The following CLTRN variants were observed in gnomAD, a reference collection of about 807,000 sequenced individuals.
The protein encoded by CLTRN is collectrin, amino acid transport regulator, also known as collectrin.
Under a neutral mutation model 14.5 loss-of-function variants are expected in CLTRN, and 12 were observed. That is an observed-to-expected ratio of 0.83 (90% confidence interval 0.53 to 1.34). The LOEUF is 1.34. Ranked by LOEUF, CLTRN falls within the 40% of genes most tolerant of loss-of-function variation. The probability of loss-of-function intolerance (pLI) is 0.00; values close to 1 mark genes in which losing one functional copy is unlikely to be tolerated. For missense variants in CLTRN, 154 were observed against 165.1 expected (o/e 0.93, Z 0.37); for synonymous variants, 58 against 56.5 (o/e 1.03, Z -0.12).
At chrX:15,668,702 G>A (rs114187860), upstream of CLTRN, among the ~76,000 whole-genome samples, 4,467 of 111,092 alleles carry the variant, frequency 0.04, 208 homozygotes, top group African/African-American at 0.13. Flanking sequence ...CATTGTCTAT[G>A]TTTAGAAATA....
At chrX:15,656,879 T>G (rs1488555484) in intron 3 of CLTRN, among the ~76,000 whole-genome samples, 1 of 111,197 alleles carries the variant, frequency 9.0e-6, no homozygotes, top group African/African-American at 3.3e-5. Flanking sequence ...AGTTTTGCAG[T>G]TTTGATTTTT....
intron 4 of CLTRN, among the ~76,000 whole-genome samples, chrX:15,642,529 G>A (rs776635003): frequency 8.9e-5 from 10 of 112,100 alleles, no homozygotes; most frequent in Non-Finnish European, 1.7e-4. Flanking sequence ...TAGGACCTTT[G>A]AAATAGACAT....
chrX:15,652,607 GT>G, intron 3 of CLTRN, among the ~76,000 whole-genome samples: 1 of 111,040 alleles, frequency 9.0e-6, no homozygotes, highest in East Asian at 2.8e-4. Flanking sequence ...AGATTTTGTT[GT>G]TGTTGTTGTT....
At position 15,664,242 on chromosome X, in the gene CLTRN, G is replaced by A. The variant is rs756906911; in HGVS notation, c.117+95C>T. ...AGGTCTTTAGAAATAATTTATTCAAGATTAAGGTAACTATGCAGACAGGCC... is the reference window on the plus strand; with the variant it reads ...AGGTCTTTAGAAATAATTTATTCAAAATTAAGGTAACTATGCAGACAGGCC... On this transcript the variant is annotated intron_variant, in intron 2 of 5. Coordinates refer to ENST00000380342, the MANE Select transcript of CLTRN (RefSeq NM_020665.6). The A allele has an allele frequency of 3.4e-3, 1,879 of 559,923 alleles. 5 individuals carry two copies. Among genetic ancestry groups the A allele is most frequent in the Non-Finnish European group, 4.9e-3 (1,717 of 352,854 alleles). The allele number at this position is 559,923 out of a possible 1,213,427, so 46.1% of individuals were successfully genotyped here.
upstream of CLTRN, among the ~76,000 whole-genome samples, chrX:15,675,376 G>C (rs1158615621): frequency 9.1e-6 from 1 of 109,883 alleles, no homozygotes; most frequent in Non-Finnish European, 1.9e-5. Context: ...GCGCGAAAAG[G>C]GAAGTAGGGA....
chrX:15,638,680 C>T (rs751408503), intron 5 of CLTRN, among the ~76,000 whole-genome samples: 1 of 111,850 alleles, frequency 8.9e-6, no homozygotes, highest in East Asian at 2.8e-4. Context: ...ATTAGAGGTA[C>T]TGGTTAACAA....
intron 3 of CLTRN, among the ~76,000 whole-genome samples, chrX:15,657,340 CG>C (rs1453412378): frequency 8.9e-6 from 1 of 112,156 alleles, no homozygotes; most frequent in Non-Finnish European, 1.9e-5. Flanking sequence ...TCAAATAAAC[CG>C]GATCAGATAT....
At chrX:15,651,780 G>C in intron 3 of CLTRN, among the ~76,000 whole-genome samples, 1 of 111,684 alleles carries the variant, frequency 9.0e-6, no homozygotes, top group African/African-American at 3.3e-5. Context: ...ATGGATGAAA[G>C]AAGGTTAACA....
At chrX:15,644,664 T>A (rs1367315674) in intron 4 of CLTRN, among the ~76,000 whole-genome samples, 2 of 111,778 alleles carry the variant, frequency 1.8e-5, no homozygotes, top group East Asian at 5.6e-4. Context: ...GCTGTGACAA[T>A]AAAAATGTCT....
intron 3 of CLTRN, 109 bp downstream of exon 3, chrX:15,658,907 C>A: frequency 2.8e-6 from 1 of 353,037 alleles, no homozygotes; most frequent in Non-Finnish European, 4.9e-6. Context: ...GTGTGAATCC[C>A]TTTGAAAAAT....
At chrX:15,633,378 T>G (rs1409130655) in intron 5 of CLTRN, among the ~76,000 whole-genome samples, 1 of 112,023 alleles carries the variant, frequency 8.9e-6, no homozygotes, top group Non-Finnish European at 1.9e-5. Flanking sequence ...GTTTTTCAGA[T>G]GAAGGAATTG....
upstream of CLTRN, among the ~76,000 whole-genome samples, chrX:15,668,175 G>A (rs1929656844): frequency 8.9e-6 from 1 of 111,924 alleles, no homozygotes; most frequent in South Asian, 3.7e-4. Flanking sequence ...TAGTTAGAAT[G>A]CGCCTTCCTT....
At position 15,627,899 on chromosome X, in the gene CLTRN, G is replaced by C. The variant is rs1359916941; in HGVS notation, c.*72C>G. The C allele has an allele frequency of 2.4e-6, 2 of 818,377 alleles. No individual in the cohort carries two copies. Among genetic ancestry groups the C allele is most frequent in the African/African-American group, 4.3e-5 (2 of 46,960 alleles). The allele number at this position is 818,377 out of a possible 1,213,427, so 67.4% of individuals were successfully genotyped here. A position where few individuals can be genotyped will look rare whatever the true frequency, so the allele number is the denominator to read the frequency against. ...GAAACAAAATATATGATCTGCTCTT[G>C]GTATTTCAGGATGCTCAGCAGTCAC... is the stretch of plus-strand genomic sequence containing the variant. On this transcript the variant is annotated 3_prime_UTR_variant, in exon 6 of 6. Transcript: ENST00000380342.
At chrX:15,660,878 A>C (rs994786885) in intron 2 of CLTRN, among the ~76,000 whole-genome samples, 3 of 111,984 alleles carry the variant, frequency 2.7e-5, no homozygotes, top group Non-Finnish European at 5.6e-5. Flanking sequence ...CTTTTCTCAT[A>C]TGCAAATGTT....
chrX:15,675,066 C>T (rs1365785137), upstream of CLTRN: 3 of 112,957 alleles, frequency 2.7e-5, no homozygotes, highest in East Asian at 2.8e-4. Flanking sequence ...ACGGCCCCGC[C>T]AGTGAGGAGC....
intron 5 of CLTRN, among the ~76,000 whole-genome samples, chrX:15,637,454 A>G (rs745415822): frequency 8.9e-6 from 1 of 111,888 alleles, no homozygotes; most frequent in African/African-American, 3.2e-5. Flanking sequence ...AATTTTCCTG[A>G]CTATATTTGC....
At chrX:15,651,202 T>C in intron 3 of CLTRN, among the ~76,000 whole-genome samples, 1 of 111,798 alleles carries the variant, frequency 8.9e-6, no homozygotes, top group Non-Finnish European at 1.9e-5. Flanking sequence ...ATGTTAAACA[T>C]GCTTCATTCA....
chrX:15,639,449 A>G (rs956718030), intron 5 of CLTRN, 113 bp downstream of exon 5: 75 of 678,527 alleles, frequency 1.1e-4, no homozygotes, highest in Admixed American at 6.6e-4. Context: ...AATTTTTTCA[A>G]AGTTTCAAAT....
At chrX:15,649,587 A>C (rs1187409084) in intron 3 of CLTRN, among the ~76,000 whole-genome samples, 2 of 111,401 alleles carry the variant, frequency 1.8e-5, no homozygotes, top group East Asian at 5.6e-4. Flanking sequence ...TTAGTGTGTC[A>C]ATGGGGGTGT....
Sources: gnomAD v4.1 joint callset for allele counts (sites outside exome capture counted in the v4.1 genomes callset) on GRCh38, gnomAD v4.1.1 for gene constraint, MANE v1.5 for transcripts, NCBI Gene and HGNC (gene_info 2026-07-23, HGNC 2026-07-21) for gene names.